Variants in FRY observed in about 807,000 individuals in gnomAD.
FRY encodes protein furry homolog.
FRY carries 128 observed loss-of-function variants against 348.4 expected under a neutral mutation model. The ratio of observed to expected loss-of-function variants is 0.37; its 90% CI spans 0.32 to 0.43. The LOEUF (loss-of-function observed/expected upper bound fraction) is 0.43, where lower values mean the gene tolerates loss of function less well. Among genes scored for constraint, FRY ranks in the 20% least tolerant of loss-of-function variants. The probability of loss-of-function intolerance (pLI) is 1.00; values close to 1 mark genes in which losing one functional copy is unlikely to be tolerated. For missense variants in FRY, 2,736 were observed against 3,695.2 expected, an observed-to-expected ratio of 0.74 and a Z score of 6.73; for synonymous variants, 1,370 against 1,374.7, an observed-to-expected ratio of 1.00 and a Z score of 0.08.
intron 2 of FRY, among the ~76,000 whole-genome samples, chr13:32,082,456 C>G (rs1875560880): frequency 6.6e-6 from 1 of 152,022 alleles, no homozygotes; most frequent in South Asian, 2.1e-4. Context: ...TTCACCTTTC[C>G]CAAGCAAAGT....
intron 3 of FRY, among the ~76,000 whole-genome samples, chr13:32,106,503 T>G (rs1173306958): frequency 1.3e-5 from 2 of 152,254 alleles, no homozygotes; most frequent in African/African-American, 4.8e-5. Flanking sequence ...TTATTTTTTC[T>G]TTCTTATGTA....
chr13:32,131,884 A>G (rs372539251), intron 8 of FRY, 44 bp downstream of exon 8: 177 of 1,450,356 alleles, frequency 1.2e-4, no homozygotes, highest in Non-Finnish European at 2.9e-5. Context: ...CAACTTGAGC[A>G]CTTCCCTTCC....
chr13:32,079,425 A>G (rs2138532560), intron 2 of FRY, among the ~76,000 whole-genome samples: 1 of 152,324 alleles, frequency 6.6e-6, no homozygotes, highest in African/African-American at 2.4e-5. Flanking sequence ...AGATGACAAG[A>G]AAAATCATTT....
rs1308997171 is a variant in FRY, at chr13:32,212,304, G to T, written c.4604G>T (p.Ser1535Ile). 1 of 1,603,988 alleles carries T rather than the reference G, an allele frequency of 6.2e-7. No homozygotes were observed. Among genetic ancestry groups the T allele is most frequent in the Non-Finnish European group, 8.5e-7 (1 of 1,171,702 alleles). Residue 1535 changes from serine to isoleucine, a missense_variant, in exon 35 of 61, where the codon AGC (serine) becomes ATC (isoleucine). By Grantham distance (142) the Ser-to-Ile change is moderately radical. This residue lies in a region of FRY where 794 missense variants were observed against 977.0 expected (regional missense o/e 0.81). Coordinates refer to ENST00000542859, the MANE Select transcript of FRY (RefSeq NM_023037.3). Reference protein sequence around the residue: ...ASAAASGTTSSSNTVVAGQEN... With the variant: ...ASAAASGTTSISNTVVAGQEN... Reference sequence around the variant, plus strand: ...TTCCCATCTACAGGAACCACCTCTAGCAGCAATACAGTGGTTGCTGGCCAG... The same window carrying T: ...TTCCCATCTACAGGAACCACCTCTATCAGCAATACAGTGGTTGCTGGCCAG...
chr13:32,228,583 G>A lies in FRY; in HGVS notation c.5334G>A (p.Glu1778=). 6.2e-7 allele frequency: 1 copy of A among 1,614,094 alleles called. No individual in the cohort carries two copies. Among genetic ancestry groups the A allele is most frequent in the South Asian group, 1.1e-5 (1 of 91,080 alleles). Residue 1778 remains glutamate, a synonymous_variant, in exon 40 of 61, where the codon GAG becomes GAA. Transcript: ENST00000542859. ...GAAACCTCCCACAGATGACCCAGGA[G>A]GTAGAAGATGTGGACACAGCTGCTG... The part of the protein sequence containing the change: ...SSGNLPQMTQ[E]VEDVDTAAET...
At chr13:32,294,665 G>A (rs1889543431) in intron 60 of FRY, 95 bp downstream of exon 60, 1 of 924,090 alleles carries the variant, frequency 1.1e-6, no homozygotes, top group East Asian at 2.5e-5. Context: ...CGGAAGGCTA[G>A]ATATTTTACA....
At chr13:32,086,104 G>C in intron 2 of FRY, 2 of 434,818 alleles carry the variant, frequency 4.6e-6, no homozygotes, top group South Asian at 3.6e-5. Context: ...AAATTTCATT[G>C]GTTCTTGAGA....
At chr13:32,127,013 G>C (rs923488503) in intron 7 of FRY, among the ~76,000 whole-genome samples, 8 of 152,138 alleles carry the variant, frequency 5.3e-5, no homozygotes, top group African/African-American at 1.7e-4. Context: ...TCTTACTAGT[G>C]ATGATGCTGT....
intron 1 of FRY, among the ~76,000 whole-genome samples, chr13:32,076,902 C>G (rs556115092): frequency 1.3e-5 from 2 of 152,270 alleles, no homozygotes; most frequent in East Asian, 3.9e-4. Flanking sequence ...GTCTATTGAG[C>G]CTTTCATAGG....
chr13:32,186,811 A>T (rs1883054105), intron 27 of FRY, among the ~76,000 whole-genome samples: 1 of 152,158 alleles, frequency 6.6e-6, no homozygotes, highest in Non-Finnish European at 1.5e-5. Flanking sequence ...GGACTATTCA[A>T]AATCTTCAGA....
At chr13:32,263,970 G>T (rs1461996614) in intron 53 of FRY, among the ~76,000 whole-genome samples, 1 of 152,026 alleles carries the variant, frequency 6.6e-6, no homozygotes, top group African/African-American at 2.4e-5. Flanking sequence ...TCGCACCACT[G>T]CACTCCAGCC....
At position 32,179,579 on chromosome 13, in the gene FRY, A is replaced by G. The variant is rs1882579768; in HGVS notation, c.2872-96A>G. 6 of 1,167,258 alleles carry G rather than the reference A, an allele frequency of 5.1e-6. No homozygotes were observed. In the Middle Eastern group the frequency reaches 8.1e-4, roughly 157 times the overall value. 72.3% of individuals were successfully genotyped at this position (1,167,258 alleles called of 1,614,324 possible). A position where few individuals can be genotyped will look rare whatever the true frequency, so the allele number is the denominator to read the frequency against. ...ATGGCAGTGCCTTGGGATATGGTTC[A>G]GTACTTTGAAACTGTTATAATGGGA... On this transcript the variant is annotated intron_variant, in intron 22 of 60. Transcript: ENST00000542859.
chr13:32,171,894 A>ACG, intron 18 of FRY, among the ~76,000 whole-genome samples: 1 of 152,290 alleles, frequency 6.6e-6, no homozygotes, highest in Non-Finnish European at 1.5e-5. Flanking sequence ...TTAGAGCTGG[A>ACG]TGTGGGTGTG....
At chr13:32,171,502 G>T (rs1882067067) in intron 18 of FRY, among the ~76,000 whole-genome samples, 1 of 151,810 alleles carries the variant, frequency 6.6e-6, no homozygotes. Context: ...GCAGAGATTG[G>T]GGTTTTGCCG....
At chr13:32,213,263 A>G (rs9590831) in intron 35 of FRY, among the ~76,000 whole-genome samples, 275 of 152,314 alleles carry the variant, frequency 1.8e-3, no homozygotes, top group African/African-American at 6.3e-3. Flanking sequence ...GTATTGGGGC[A>G]CAGTAGGGGC....
intron 35 of FRY, 52 bp downstream of exon 35, chr13:32,212,434 A>G (rs776940202): frequency 1.3e-5 from 13 of 1,009,978 alleles, no homozygotes; most frequent in African/African-American, 3.2e-5. Context: ...GCAATAATCT[A>G]TACATAGACA....
intron 1 of FRY, among the ~76,000 whole-genome samples, chr13:32,042,258 A>G (rs1408036503): frequency 1.3e-5 from 2 of 152,208 alleles, no homozygotes; most frequent in African/African-American, 4.8e-5. Context: ...ACTGGAAATG[A>G]TTACTGTAGG....
intron 46 of FRY, among the ~76,000 whole-genome samples, chr13:32,241,043 G>A (rs1886473611): frequency 1.3e-5 from 2 of 152,150 alleles, no homozygotes; most frequent in Admixed American, 1.3e-4. Context: ...CCACATCTCT[G>A]ACATTTTAAG....
intron 17 of FRY, among the ~76,000 whole-genome samples, chr13:32,167,687 G>T (rs143098141): frequency 1.3e-5 from 2 of 152,180 alleles, no homozygotes; most frequent in Admixed American, 1.3e-4. Context: ...TTTATGTAGT[G>T]TCTGCAATTC....
Sources: allele counts gnomAD v4.1 joint callset (sites outside exome capture counted in the v4.1 genomes callset), GRCh38; gene constraint gnomAD v4.1.1; regional missense constraint gnomAD v4.1.1; transcripts MANE v1.5; gene names NCBI Gene and HGNC (gene_info 2026-07-23, HGNC 2026-07-21).